MGAT5: variants seen among roughly 807,000 people sequenced by gnomAD.
MGAT5 encodes the protein alpha-1,6-mannosylglycoprotein 6-beta-N-acetylglucosaminyltransferase, also known as alpha-1,6-mannosylglycoprotein 6-beta-N-acetylglucosaminyltransferase A.
Under a neutral mutation model 94.3 loss-of-function variants are expected in MGAT5, and 30 were observed. That is an observed-to-expected ratio of 0.32 (90% CI 0.24 to 0.43). MGAT5 has a LOEUF of 0.43. Among genes scored for constraint, MGAT5 ranks in the 20% least tolerant of loss-of-function variants. MGAT5 has a pLI of 1.00. For synonymous variants in MGAT5, 310 were observed against 322.9 expected (o/e 0.96, Z 0.43); for missense variants, 691 against 905.5 (o/e 0.76, Z 3.04).
chr2:134,198,647 A>T (rs781739486), intron 1 of MGAT5, among the ~76,000 whole-genome samples: 4 of 152,154 alleles, frequency 2.6e-5, no homozygotes, highest in Non-Finnish European at 4.4e-5. Context: ...CTACCTGGAG[A>T]AGACTAATGG....
intron 10 of MGAT5, among the ~76,000 whole-genome samples, chr2:134,387,623 G>C (rs1249889801): frequency 1.3e-5 from 2 of 152,034 alleles, no homozygotes; most frequent in Non-Finnish European, 2.9e-5. Context: ...TTTTCCGCTA[G>C]AAGTTCCTGC....
At position 134,338,329 on chromosome 2, in the gene MGAT5, G is replaced by A; in HGVS notation, c.716G>A (p.Arg239Lys). Reference protein sequence around the residue: ...MKKHEEFRWMRLRIRRMADAW... With the variant: ...MKKHEEFRWMKLRIRRMADAW... ...AAGCATGAAGAATTCCGGTGGATGA[G>A]ACTACGGATCCGGCGAATGGCTGAC... Residue 239 changes from arginine (R) to lysine (K), a missense_variant, in exon 6 of 16, where the codon AGA becomes AAA. Coordinates refer to ENST00000281923, the MANE Select transcript of MGAT5 (RefSeq NM_002410.5). The A allele has an allele frequency of 1.9e-6, 3 of 1,613,220 alleles. No individual in the cohort carries two copies. The highest frequency in any genetic ancestry group is 2.2e-5 in the South Asian group (2 of 91,006).
intron 10 of MGAT5, among the ~76,000 whole-genome samples, chr2:134,395,273 T>C (rs2106266362): frequency 6.6e-6 from 1 of 152,368 alleles, no homozygotes; most frequent in East Asian, 1.9e-4. Flanking sequence ...AAGGGTTTCT[T>C]GTTTTCATAA....
intron 10 of MGAT5, among the ~76,000 whole-genome samples, chr2:134,374,949 T>A (rs1681068900): frequency 6.6e-6 from 1 of 152,176 alleles, no homozygotes; most frequent in African/African-American, 2.4e-5. Context: ...GCTGAGATAG[T>A]GCCACTGCAC....
chr2:134,346,772 T>C (rs1688945352), intron 8 of MGAT5, among the ~76,000 whole-genome samples: 1 of 152,158 alleles, frequency 6.6e-6, no homozygotes, highest in Non-Finnish European at 1.5e-5. Flanking sequence ...ACACAACTAG[T>C]ATTCTGCTAG....
intron 1 of MGAT5, among the ~76,000 whole-genome samples, chr2:134,126,676 A>T (rs1685852317): frequency 6.6e-6 from 1 of 152,168 alleles, no homozygotes; most frequent in Non-Finnish European, 1.5e-5. Flanking sequence ...TCCTTTAGTG[A>T]AGCTATTTTT....
At chr2:134,413,849 A>G (rs1275635261) in intron 12 of MGAT5, among the ~76,000 whole-genome samples, 1 of 152,206 alleles carries the variant, frequency 6.6e-6, no homozygotes, top group Non-Finnish European at 1.5e-5. Flanking sequence ...ATGGCATATC[A>G]ATGTAGAAGG....
chr2:134,266,377 T>C (rs28736452), intron 1 of MGAT5, among the ~76,000 whole-genome samples: 78,237 of 151,788 alleles, frequency 0.52, 24,283 homozygotes, highest in African/African-American at 0.86. Context: ...CACGCCACCA[T>C]GCCCAGCTAT....
At chr2:134,333,149 G>A (rs1688088652) in intron 4 of MGAT5, among the ~76,000 whole-genome samples, 1 of 152,030 alleles carries the variant, frequency 6.6e-6, no homozygotes, top group Non-Finnish European at 1.5e-5. Context: ...GTTTATAGCG[G>A]CACTATTCAC....
intron 1 of MGAT5, among the ~76,000 whole-genome samples, chr2:134,240,425 G>A (rs983831210): frequency 6.6e-6 from 1 of 150,720 alleles, no homozygotes; most frequent in Non-Finnish European, 1.5e-5. Flanking sequence ...TATAATCTCT[G>A]ATCTCCCCTT....
At chr2:134,155,916 C>A (rs557867051) in intron 1 of MGAT5, among the ~76,000 whole-genome samples, 4 of 152,108 alleles carry the variant, frequency 2.6e-5, no homozygotes, top group African/African-American at 2.4e-5. Flanking sequence ...CTCCCTGGAC[C>A]CCTCAGCTGA....
chr2:134,136,961 C>T (rs370911347), intron 1 of MGAT5, among the ~76,000 whole-genome samples: 2 of 152,186 alleles, frequency 1.3e-5, no homozygotes, highest in African/African-American at 2.4e-5. Context: ...TTTGTCAGAA[C>T]GTTCCTCTAG....
At chr2:134,392,617 C>T (rs975505744) in intron 10 of MGAT5, among the ~76,000 whole-genome samples, 1 of 152,178 alleles carries the variant, frequency 6.6e-6, no homozygotes, top group Non-Finnish European at 1.5e-5. Context: ...TGTCAAGTCC[C>T]CGCCTACAAC....
intron 1 of MGAT5, among the ~76,000 whole-genome samples, chr2:134,245,662 T>A (rs925180304): frequency 2.0e-5 from 3 of 152,134 alleles, no homozygotes; most frequent in Non-Finnish European, 2.9e-5. Flanking sequence ...TACCCCCATC[T>A]CCTTTCCATC....
At chr2:134,350,135 T>C (rs1226135047) in intron 9 of MGAT5, among the ~76,000 whole-genome samples, 197 bp downstream of exon 9, 3 of 149,560 alleles carry the variant, frequency 2.0e-5, no homozygotes, top group Non-Finnish European at 4.4e-5. Flanking sequence ...GCCACATGAA[T>C]ATTTTTTGAA....
intron 8 of MGAT5, among the ~76,000 whole-genome samples, chr2:134,347,680 G>A (rs1275681656): frequency 6.6e-6 from 1 of 152,146 alleles, no homozygotes; most frequent in East Asian, 1.9e-4. Flanking sequence ...GAGAGGATGT[G>A]CGTAGGTTAT....
At chr2:134,308,956 A>T (rs1467280407) in intron 2 of MGAT5, among the ~76,000 whole-genome samples, 1 of 152,224 alleles carries the variant, frequency 6.6e-6, no homozygotes, top group Non-Finnish European at 1.5e-5. Context: ...GAATATTTTC[A>T]TCACCTCAAA....
At chr2:134,440,491 G>A (rs570926000) in intron 14 of MGAT5, among the ~76,000 whole-genome samples, 214 of 152,246 alleles carry the variant, frequency 1.4e-3, no homozygotes, top group African/African-American at 5.0e-3. Context: ...AGTGAGTGGG[G>A]GTGCGCATGA....
intron 10 of MGAT5, among the ~76,000 whole-genome samples, chr2:134,371,895 T>C (rs1444931979): frequency 6.6e-6 from 1 of 151,190 alleles, no homozygotes; most frequent in Non-Finnish European, 1.5e-5. Context: ...TCAGGAAAGC[T>C]GAAGTTCATT....
Sources: allele counts gnomAD v4.1 joint callset (sites outside exome capture counted in the v4.1 genomes callset), GRCh38; gene constraint gnomAD v4.1.1; transcripts MANE v1.5; gene names NCBI Gene and HGNC (gene_info 2026-07-23, HGNC 2026-07-21).